NFIC: variants seen among roughly 807,000 people sequenced by gnomAD.
The protein encoded by NFIC is nuclear factor 1 C-type.
A neutral mutation model predicts 54.4 loss-of-function variants in NFIC; 12 were observed. The ratio of observed to expected loss-of-function variants is 0.22; its 90% CI spans 0.14 to 0.36. NFIC has a LOEUF of 0.36. NFIC is among the 10% of genes least tolerant of loss of function. NFIC has a pLI of 1.00. For missense variants in NFIC, 575 were observed against 718.2 expected (o/e 0.80, Z 2.28); for synonymous variants, 322 against 319.2 (o/e 1.01, Z -0.09).
chr19:3,424,865 G>A (rs2082003590), intron 2 of NFIC, among the ~76,000 whole-genome samples: 2 of 152,174 alleles, frequency 1.3e-5, no homozygotes, highest in African/African-American at 4.8e-5. Context: ...CGGGTACACT[G>A]GCGCTCACAG....
intron 2 of NFIC, among the ~76,000 whole-genome samples, chr19:3,404,868 A>G (rs1055715689): frequency 2.0e-5 from 3 of 151,994 alleles, no homozygotes; most frequent in African/African-American, 7.2e-5. Flanking sequence ...GGACACCCAC[A>G]AAGAGTGACA....
rs2082686433 is a variant in NFIC at position 3,464,320 on chromosome 19, TAG to T, written c.*1552_*1553del. On this transcript the variant is annotated 3_prime_UTR_variant, in exon 11 of 11. Coordinates refer to ENST00000443272, the MANE Select transcript of NFIC (RefSeq NM_001245002.2). The stretch of plus-strand genomic sequence containing the variant: ...CACCTTGGGGCCCCCCGCAGCCGTG[TAG>T]GGGGCCTCCCATCTGCTAAGCGTTT... 1 of 985,066 alleles carries T rather than the reference TAG, an allele frequency of 1.0e-6. No homozygotes were observed. The highest frequency in any genetic ancestry group is 1.2e-6 in the Non-Finnish European group (1 of 829,794). 61.0% of individuals were successfully genotyped at this position (985,066 alleles called of 1,614,324 possible).
chr19:3,386,689 A>G (rs779222658), intron 2 of NFIC, among the ~76,000 whole-genome samples: 1 of 152,208 alleles, frequency 6.6e-6, no homozygotes, highest in Non-Finnish European at 1.5e-5. Flanking sequence ...CCGTGGTCAC[A>G]CAGCCGAGAC....
At chr19:3,450,808 G>T (rs1182949715) in intron 7 of NFIC, among the ~76,000 whole-genome samples, 2 of 152,216 alleles carry the variant, frequency 1.3e-5, no homozygotes, top group Non-Finnish European at 2.9e-5. Flanking sequence ...CACACAGAGA[G>T]GCAGTCCCAA....
At chr19:3,379,583 C>T (rs1568406062) in intron 1 of NFIC, among the ~76,000 whole-genome samples, 1 of 150,786 alleles carries the variant, frequency 6.6e-6, no homozygotes, top group South Asian at 2.1e-4. Context: ...TGACCTCAAG[C>T]GATCCACCTG....
intron 2 of NFIC, among the ~76,000 whole-genome samples, chr19:3,390,244 C>T (rs1339017955): frequency 6.6e-6 from 1 of 152,242 alleles, no homozygotes; most frequent in African/African-American, 2.4e-5. Context: ...CAGGGCTGGG[C>T]AGCCAGGTGT....
chr19:3,415,033 T>C (rs1170420062), intron 2 of NFIC, among the ~76,000 whole-genome samples: 1 of 151,784 alleles, frequency 6.6e-6, no homozygotes, highest in Non-Finnish European at 1.5e-5. Flanking sequence ...AGAGACGGGG[T>C]TTCTCCATGT....
At chr19:3,363,262 TATA>T (rs2080838195), upstream of NFIC, among the ~76,000 whole-genome samples, 1 of 70,354 alleles carries the variant, frequency 1.4e-5, no homozygotes, top group African/African-American at 6.3e-5. Context: ...TATATATATA[TATA>T]TATATTTTTT....
At chr19:3,404,431 G>T (rs2081610180) in intron 2 of NFIC, among the ~76,000 whole-genome samples, 1 of 152,290 alleles carries the variant, frequency 6.6e-6, no homozygotes, top group Admixed American at 6.5e-5. Flanking sequence ...GCGGAGGCGT[G>T]GGGAGCCCTG....
rs772251298 is a variant in NFIC at position 3,366,622 on chromosome 19, C to T, written c.-15C>T. On this transcript the variant is annotated 5_prime_UTR_variant, in exon 1 of 11. Coordinates refer to ENST00000443272, the MANE Select transcript of NFIC (RefSeq NM_001245002.2). Reference sequence around the variant, plus strand: ...GCCCGCTCCGGCCGGCCCTGCGCCTCCCGCCGCGCCCGGGATGTATTCGTC... The same window carrying T: ...GCCCGCTCCGGCCGGCCCTGCGCCTTCCGCCGCGCCCGGGATGTATTCGTC... 6 of 1,500,916 alleles carry T rather than the reference C, an allele frequency of 4.0e-6. No homozygotes were observed. The highest frequency in any genetic ancestry group is 1.5e-5 in the African/African-American group (1 of 67,960). The allele number at this position is 1,500,916 out of a possible 1,614,324, so 93.0% of individuals were successfully genotyped here.
At chr19:3,408,638 T>C (rs985601508) in intron 2 of NFIC, among the ~76,000 whole-genome samples, 1 of 152,102 alleles carries the variant, frequency 6.6e-6, no homozygotes, top group Non-Finnish European at 1.5e-5. Flanking sequence ...TATTTTATTT[T>C]TGAGACGGAG....
At position 3,453,773 on chromosome 19, in the gene NFIC, G is replaced by A; in HGVS notation, c.1280G>A (p.Ser427Asn). ...ASQQPGPLNG[S>N]GQLKMPSHCL... ...TCTCTGTTCCCCCAGTTAAATGGAA[G>A]TGGTCAGCTCAAAATGCCCAGCCAC... Residue 427 changes from serine to asparagine, a missense_variant, in exon 9 of 11, where the codon AGT becomes AAT. Physicochemically the swap from Ser to Asn is conservative, Grantham distance 46. Around this residue, in one of 3 missense-constraint regions of NFIC, gnomAD observed 447 missense variants for 526.9 expected, o/e 0.85. Transcript: ENST00000443272. The surrounding 1 kb of genome is among the most constrained non-coding windows in gnomAD (Gnocchi z 6.7). 6.2e-7 allele frequency: 1 copy of A among 1,603,282 alleles called. No homozygotes were observed. Among genetic ancestry groups the A allele is most frequent in the Non-Finnish European group, 8.5e-7 (1 of 1,175,552 alleles).
chr19:3,423,204 A>C (rs963691731), intron 2 of NFIC, among the ~76,000 whole-genome samples: 2 of 152,176 alleles, frequency 1.3e-5, no homozygotes, highest in African/African-American at 4.8e-5. Context: ...TCTCAAAAAA[A>C]TAAAAATAAA....
intron 2 of NFIC, 125 bp from the exon 3 acceptor site, chr19:3,424,981 G>A: frequency 1.1e-6 from 1 of 939,642 alleles, no homozygotes. Flanking sequence ...GGTGTGTTTT[G>A]GGGCCACTGT....
At chr19:3,417,714 C>T in intron 2 of NFIC, among the ~76,000 whole-genome samples, 1 of 150,540 alleles carries the variant, frequency 6.6e-6, no homozygotes, top group African/African-American at 2.4e-5. Context: ...CAACCTCTGC[C>T]TCCCGGGTTC....
rs551011852 is a variant in NFIC, at chr19:3,468,626, T to G, written c.*5857T>G. On this transcript the variant is annotated 3_prime_UTR_variant, in exon 11 of 11. Transcript: ENST00000443272. ...GGAGGGACAAAACAAAACATTTTCC[T>G]TTGGGTTTTTTTTTTCTTTCTTTTT... 1.3e-4 allele frequency: 19 copies of G among 151,486 alleles called. No homozygotes were observed. The highest frequency in any genetic ancestry group is 4.6e-4 in the African/African-American group (19 of 41,366). 9.4% of individuals were successfully genotyped at this position (151,486 alleles called of 1,614,324 possible).
At chr19:3,381,690 C>T (rs1332415227) in intron 1 of NFIC, 22 bp from the exon 2 acceptor site, 2 of 1,611,432 alleles carry the variant, frequency 1.2e-6, no homozygotes, top group Non-Finnish European at 8.5e-7. Flanking sequence ...CGCTCCTGAC[C>T]TCTCGCCTCT....
At chr19:3,387,995 G>A (rs543164564) in intron 2 of NFIC, among the ~76,000 whole-genome samples, 3 of 152,260 alleles carry the variant, frequency 2.0e-5, no homozygotes, top group African/African-American at 4.8e-5. Flanking sequence ...AGGGCTGGGC[G>A]GGGGAGGGGC....
chr19:3,449,202 C>G, intron 7 of NFIC, 63 bp downstream of exon 7: 1 of 1,559,786 alleles, frequency 6.4e-7, no homozygotes, highest in Non-Finnish European at 8.7e-7. Context: ...CTCTCACAGC[C>G]GGGGAAGTCC....
Sources: allele counts gnomAD v4.1 joint callset (sites outside exome capture counted in the v4.1 genomes callset), GRCh38; gene constraint gnomAD v4.1.1; regional missense constraint gnomAD v4.1.1; non-coding constraint Gnocchi (gnomAD v3.1); transcripts MANE v1.5; gene names NCBI Gene and HGNC (gene_info 2026-07-23, HGNC 2026-07-21).